The following SNX16 variants were observed in gnomAD, a reference collection of about 807,000 sequenced individuals.
SNX16 encodes sorting nexin 16.
In SNX16, 35 loss-of-function variants were observed where a neutral mutation model predicts 36.7. That is an observed-to-expected ratio of 0.95 (90% confidence interval 0.73 to 1.27). The LOEUF (loss-of-function observed/expected upper bound fraction) is 1.27, where lower values mean the gene tolerates loss of function less well. Ranked by LOEUF, SNX16 falls within the 50% of genes most tolerant of loss-of-function variation. The pLI, the probability that SNX16 is intolerant of heterozygous loss-of-function variation, is 0.00. For synonymous variants in SNX16, 134 were observed against 132.0 expected (o/e 1.02, Z -0.10); for missense variants, 367 against 393.6 (o/e 0.93, Z 0.57).
chr8:81,832,270 G>A (rs984563600), intron 2 of SNX16, among the ~76,000 whole-genome samples: 1 of 152,178 alleles, frequency 6.6e-6, no homozygotes, highest in Admixed American at 6.5e-5. Flanking sequence ...GCAGCAACAT[G>A]TATAGAGGTA....
chr8:81,816,085 G>GA (rs1206227615), intron 4 of SNX16, among the ~76,000 whole-genome samples: 2 of 151,894 alleles, frequency 1.3e-5, no homozygotes, highest in African/African-American at 4.8e-5. Flanking sequence ...GTTGAACTGA[G>GA]AGACAACTCT....
intron 4 of SNX16, among the ~76,000 whole-genome samples, chr8:81,820,162 C>T (rs574356186): frequency 3.9e-5 from 6 of 152,078 alleles, no homozygotes; most frequent in Non-Finnish European, 4.4e-5. Context: ...GTGATTCTTA[C>T]AAGCAGTTTT....
intron 2 of SNX16, among the ~76,000 whole-genome samples, chr8:81,833,599 A>T (rs963304213): frequency 1.3e-5 from 2 of 152,212 alleles, no homozygotes; most frequent in African/African-American, 4.8e-5. Flanking sequence ...GATACAGGAT[A>T]AAAGTGCACT....
At chr8:81,825,004 A>G (rs1810948877) in intron 3 of SNX16, among the ~76,000 whole-genome samples, 1 of 152,156 alleles carries the variant, frequency 6.6e-6, no homozygotes, top group Admixed American at 6.6e-5. Context: ...TGGCCTCTCC[A>G]GGTGTCTTGG....
At chr8:81,833,768 C>T (rs1811371931) in intron 2 of SNX16, among the ~76,000 whole-genome samples, 3 of 152,176 alleles carry the variant, frequency 2.0e-5, no homozygotes, top group Admixed American at 6.5e-5. Flanking sequence ...TGTTCTATCT[C>T]TTCTAGAAAG....
At chr8:81,824,332 T>TA (rs1810918341) in intron 3 of SNX16, among the ~76,000 whole-genome samples, 1 of 152,132 alleles carries the variant, frequency 6.6e-6, no homozygotes, top group South Asian at 2.1e-4. Flanking sequence ...ACCTTCCCTT[T>TA]AAAAAAATTA....
intron 3 of SNX16, among the ~76,000 whole-genome samples, chr8:81,828,921 G>A (rs1472173656): frequency 6.6e-6 from 1 of 152,120 alleles, no homozygotes; most frequent in African/African-American, 2.4e-5. Context: ...ACTAAATTCT[G>A]CCAACAACCT....
At chr8:81,822,340 G>A (rs1810784418) in intron 4 of SNX16, among the ~76,000 whole-genome samples, 1 of 152,078 alleles carries the variant, frequency 6.6e-6, no homozygotes, top group Admixed American at 6.6e-5. Context: ...GGAGCAAGCT[G>A]ATTTTGGAGA....
chr8:81,803,260 A>G (rs755868843), intron 5 of SNX16, 32 bp from the exon 6 acceptor site: 2 of 1,573,670 alleles, frequency 1.3e-6, no homozygotes. Context: ...AACTAAACAC[A>G]TGCAGAAAAA....
At chr8:81,807,518 CAAAAAAAAAAAAA>C (rs71268027) in intron 5 of SNX16, among the ~76,000 whole-genome samples, 6 of 49,326 alleles carry the variant, frequency 1.2e-4, no homozygotes, top group African/African-American at 7.7e-5. Flanking sequence ...GACTCTGTCT[CAAAAAAAAAAAAA>C]AAAAAAAAAA....
Position 81,823,810 on chromosome 8 carries a change from T to C in SNX16, c.593A>G (p.His198Arg), listed in dbSNP as rs910044628. 9.3e-6 allele frequency: 15 copies of C among 1,608,614 alleles called. No individual in the cohort carries two copies. Among genetic ancestry groups the C allele is most frequent in the Non-Finnish European group, 1.1e-5 (13 of 1,177,460 alleles). Residue 198 changes from histidine (H) to arginine (R), a missense_variant, in exon 4 of 8, where the codon CAC becomes CGC. His to Arg is a conservative substitution (Grantham distance 29). Transcript: ENST00000345957. The part of the protein sequence containing the change: ...LQAFLQNLVA[H>R]KDIANCLAVR... Reference sequence around the variant, plus strand: ...TACATACCAGTTAGCAATGTCCTTGTGAGCTACTAAATTTTGAAGAAACGC... The same window carrying C: ...TACATACCAGTTAGCAATGTCCTTGCGAGCTACTAAATTTTGAAGAAACGC...
intron 5 of SNX16, among the ~76,000 whole-genome samples, chr8:81,813,970 G>A (rs1473298416): frequency 1.3e-5 from 2 of 152,024 alleles, no homozygotes; most frequent in Admixed American, 6.6e-5. Context: ...TACAGTACAA[G>A]TGAGAATAGA....
chr8:81,812,019 G>A (rs1035761530), intron 5 of SNX16, among the ~76,000 whole-genome samples: 5 of 152,004 alleles, frequency 3.3e-5, no homozygotes, highest in Non-Finnish European at 5.9e-5. Flanking sequence ...GAGTTGAAAA[G>A]CACAGTAACT....
chr8:81,819,714 ATC>A (rs150031683), intron 4 of SNX16, among the ~76,000 whole-genome samples: 1,567 of 152,160 alleles, frequency 0.01, 25 homozygotes, highest in African/African-American at 0.036. Flanking sequence ...AACAGATAAA[ATC>A]TCTAATAAAT....
At chr8:81,830,984 C>T (rs1441438469) in intron 2 of SNX16, among the ~76,000 whole-genome samples, 1 of 152,162 alleles carries the variant, frequency 6.6e-6, no homozygotes, top group Non-Finnish European at 1.5e-5. Context: ...CATCTGTTCT[C>T]TGACAAAGTT....
chr8:81,819,458 CCTTG>C (rs1470182707), intron 4 of SNX16, among the ~76,000 whole-genome samples: 1 of 152,028 alleles, frequency 6.6e-6, no homozygotes, highest in Non-Finnish European at 1.5e-5. Flanking sequence ...CTTCATCTTT[CCTTG>C]CTGGGCCAAT....
At chr8:81,840,250 A>C in intron 1 of SNX16, 168 bp from the exon 2 acceptor site, 1 of 320,444 alleles carries the variant, frequency 3.1e-6, no homozygotes, top group East Asian at 5.3e-5. Flanking sequence ...CAAGATAGAG[A>C]GAGCAAAACT....
At chr8:81,808,395 GT>G in intron 5 of SNX16, 3 of 1,255,040 alleles carry the variant, frequency 2.4e-6, no homozygotes, top group Non-Finnish European at 3.5e-6. Context: ...TTGTGGAGGT[GT>G]TTTCGGTGGG....
At chr8:81,830,615 TAACAC>T (rs1811218936) in intron 2 of SNX16, among the ~76,000 whole-genome samples, 1 of 128,186 alleles carries the variant, frequency 7.8e-6, no homozygotes, top group Non-Finnish European at 1.7e-5. Flanking sequence ...AAATCACAGA[TAACAC>T]AAAGAAACAG....
Sources: gnomAD v4.1 joint callset for allele counts (sites outside exome capture counted in the v4.1 genomes callset) on GRCh38, gnomAD v4.1.1 for gene constraint, MANE v1.5 for transcripts, NCBI Gene and HGNC (gene_info 2026-07-23, HGNC 2026-07-21) for gene names.